Variants in SCIN observed in about 807,000 individuals in gnomAD.
The protein encoded by SCIN is adseverin.
In SCIN, 91 loss-of-function variants were observed where a neutral mutation model predicts 91.8. The observed-to-expected ratio is 0.99, with a 90% CI of 0.84 to 1.18. The LOEUF (loss-of-function observed/expected upper bound fraction) is 1.18. SCIN is among the 50% of genes most tolerant of loss of function. The pLI is 0.00. For synonymous variants in SCIN, 367 were observed against 312.6 expected (o/e 1.17, Z -1.84); for missense variants, 1,087 against 863.9 (o/e 1.26, Z -3.24).
intron 11 of SCIN, among the ~76,000 whole-genome samples, chr7:12,642,069 A>G (rs1783868834): frequency 6.6e-6 from 1 of 151,422 alleles, no homozygotes. Flanking sequence ...TATATACTAT[A>G]TGTATTATAT....
intron 10 of SCIN, among the ~76,000 whole-genome samples, chr7:12,637,371 C>G (rs541663755): frequency 2.6e-4 from 40 of 152,220 alleles, no homozygotes; most frequent in African/African-American, 9.4e-4. Flanking sequence ...TTATATTTCC[C>G]TTTTAGGTAC....
At chr7:12,586,031 A>G in intron 3 of SCIN, among the ~76,000 whole-genome samples, 1 of 152,318 alleles carries the variant, frequency 6.6e-6, no homozygotes, top group Non-Finnish European at 1.5e-5. Flanking sequence ...GTCATTATGC[A>G]GAGACTTGCT....
rs375814881 is a variant in SCIN at position 12,652,465 on chromosome 7, C to G, written c.2021-123C>G. The G allele has an allele frequency of 6.0e-4, 504 of 846,246 alleles. 2 individuals carry two copies. In the African/African-American group the frequency reaches 8.3e-3, roughly 14 times the overall value. The allele number at this position is 846,246 out of a possible 1,614,324, so 52.4% of individuals were successfully genotyped here. ...CGAAGAATTTTCATTTTCAATGTAG[C>G]CAATATTTATTTGTTCTTCTGGAAA... On this transcript the variant is annotated intron_variant, in intron 15 of 15. Coordinates refer to ENST00000297029, the MANE Select transcript of SCIN (RefSeq NM_001112706.3).
intron 4 of SCIN, 21 bp downstream of exon 4, chr7:12,604,684 T>C: frequency 6.5e-7 from 1 of 1,547,718 alleles, no homozygotes; most frequent in Non-Finnish European, 8.7e-7. Context: ...TCCTGTTGTT[T>C]GTTAAAGGGT....
intron 1 of SCIN, among the ~76,000 whole-genome samples, chr7:12,576,965 G>A (rs78824825): frequency 6.6e-6 from 1 of 152,066 alleles, no homozygotes; most frequent in African/African-American, 2.4e-5. Context: ...AGTTTGAAGT[G>A]TTTTCCATAA....
At chr7:12,604,477 T>C (rs1300765815) in intron 3 of SCIN, 37 bp from the exon 4 acceptor site, 8 of 1,540,832 alleles carry the variant, frequency 5.2e-6, no homozygotes, top group Admixed American at 2.0e-5. Flanking sequence ...GTCTTCCTCA[T>C]ATTCTTAGGG....
At chr7:12,649,648 T>G in intron 14 of SCIN, 104 bp downstream of exon 14, 1 of 614,568 alleles carries the variant, frequency 1.6e-6, no homozygotes, top group Non-Finnish European at 2.7e-6. Flanking sequence ...AGCCTAGAGA[T>G]TTAGGCTGTA....
chr7:12,626,972 C>T lies in SCIN; in HGVS notation c.1197+173C>T, dbSNP rs1031500844. Among the ~76,000 whole-genome samples, 3 of 152,068 alleles carry T rather than the reference C, an allele frequency of 2.0e-5. No individual in the cohort carries two copies. The South Asian group carries it at 6.2e-4, about 32-fold the overall frequency. Reference sequence around the variant, plus strand: ...AGGTGTGATGGAGCTCGCCCATAGTCCTAGCTACTTGGTAGGCTGAGGCAT... The same window carrying T: ...AGGTGTGATGGAGCTCGCCCATAGTTCTAGCTACTTGGTAGGCTGAGGCAT... On this transcript the variant is annotated intron_variant, in intron 8 of 15. Transcript: ENST00000297029.
Position 12,581,050 on chromosome 7 carries a change from C to T in SCIN, c.355-10C>T. 6.5e-7 allele frequency: 1 copy of T among 1,549,696 alleles called. No homozygotes were observed. The highest frequency in any genetic ancestry group is 8.7e-7 in the Non-Finnish European group (1 of 1,145,900). On this transcript the variant is annotated splice_polypyrimidine_tract_variant and intron_variant, in intron 2 of 15. Coordinates refer to ENST00000297029, the MANE Select transcript of SCIN (RefSeq NM_001112706.3). ...TGTTTTTTGTGTGTCTGTCTTCCCT[C>T]ATTCATCAGGCTGGAGGCGTGGCAT...
At position 12,644,190 on chromosome 7, in the gene SCIN, T is replaced by G; in HGVS notation, c.1634T>G (p.Leu545Arg). ...LNSNDVFVLK[L>R]PQNSGYIWVG... Reference sequence around the variant, plus strand: ...TCTAACGATGTTTTTGTCCTGAAACTGCCACAAAATAGTGGCTACATCTGG... The same window carrying G: ...TCTAACGATGTTTTTGTCCTGAAACGGCCACAAAATAGTGGCTACATCTGG... Residue 545 changes from leucine to arginine, a missense_variant, in exon 12 of 16, where the codon CTG becomes CGG. Coordinates refer to ENST00000297029, the MANE Select transcript of SCIN (RefSeq NM_001112706.3). 6.2e-7 allele frequency: 1 copy of G among 1,612,942 alleles called. No homozygotes were observed. The highest frequency in any genetic ancestry group is 8.5e-7 in the Non-Finnish European group (1 of 1,179,378).
At chr7:12,592,319 G>A (rs1782741611) in intron 3 of SCIN, among the ~76,000 whole-genome samples, 1 of 152,124 alleles carries the variant, frequency 6.6e-6, no homozygotes. Flanking sequence ...GAGTCGGTAT[G>A]AGCCATCAGA....
intron 4 of SCIN, among the ~76,000 whole-genome samples, chr7:12,605,950 G>T (rs1436194081): frequency 6.6e-6 from 1 of 152,122 alleles, no homozygotes; most frequent in Non-Finnish European, 1.5e-5. Context: ...GCATTTGGTT[G>T]TGACCAAACT....
intron 5 of SCIN, among the ~76,000 whole-genome samples, chr7:12,623,547 T>C (rs1239418925): frequency 6.6e-6 from 1 of 152,200 alleles, no homozygotes; most frequent in Non-Finnish European, 1.5e-5. Context: ...GTTTTTTCTG[T>C]TGAGGGTAAC....
At chr7:12,580,966 C>A in intron 2 of SCIN, 94 bp from the exon 3 acceptor site, 1 of 1,304,228 alleles carries the variant, frequency 7.7e-7, no homozygotes, top group Non-Finnish European at 1.0e-6. Flanking sequence ...TTGGCACAAA[C>A]ACCAGCAGTA....
intron 4 of SCIN, among the ~76,000 whole-genome samples, chr7:12,612,820 C>T (rs1053232954): frequency 6.6e-6 from 1 of 152,200 alleles, no homozygotes; most frequent in African/African-American, 2.4e-5. Context: ...AACAGCTTAT[C>T]ATATGCTGCA....
chr7:12,598,525 A>G (rs115212325), intron 3 of SCIN, among the ~76,000 whole-genome samples: 4,280 of 152,260 alleles, frequency 0.028, 69 homozygotes, highest in African/African-American at 0.047. Context: ...ATGAAATACT[A>G]AAATTGTGTT....
intron 3 of SCIN, among the ~76,000 whole-genome samples, chr7:12,600,645 G>C (rs908906386): frequency 1.6e-4 from 25 of 152,324 alleles, no homozygotes; most frequent in African/African-American, 6.0e-4. Flanking sequence ...AAAGTCTACT[G>C]AGTTGCACTG....
intron 4 of SCIN, among the ~76,000 whole-genome samples, chr7:12,606,988 C>T (rs1364538385): frequency 6.6e-6 from 1 of 152,112 alleles, no homozygotes; most frequent in African/African-American, 2.4e-5. Flanking sequence ...TATTTGGAAG[C>T]AAAAATCTAT....
intron 3 of SCIN, among the ~76,000 whole-genome samples, chr7:12,600,082 T>C (rs1782927285): frequency 2.0e-5 from 3 of 152,228 alleles, no homozygotes; most frequent in South Asian, 4.1e-4. Flanking sequence ...ATGAAGTCTT[T>C]GCTTAAGCCA....
Sources: allele counts gnomAD v4.1 joint callset (sites outside exome capture counted in the v4.1 genomes callset), GRCh38; gene constraint gnomAD v4.1.1; transcripts MANE v1.5; gene names NCBI Gene and HGNC (gene_info 2026-07-23, HGNC 2026-07-21).